The following USP24 variants were observed in gnomAD, a reference collection of about 807,000 sequenced individuals.
USP24 encodes ubiquitin specific peptidase 24, also known as ubiquitin carboxyl-terminal hydrolase 24.
Under a neutral mutation model 361.6 loss-of-function variants are expected in USP24, and 97 were observed. The ratio of observed to expected loss-of-function variants is 0.27; its 90% CI spans 0.23 to 0.32. USP24 has a LOEUF of 0.32. USP24 is among the 10% of genes least tolerant of loss of function. USP24 has a pLI of 1.00. For synonymous variants in USP24, 1,098 were observed against 1,124.6 expected, an observed-to-expected ratio of 0.98 and a Z score of 0.47; for missense variants, 2,353 against 3,165.6, an observed-to-expected ratio of 0.74 and a Z score of 6.16.
chr1:55,138,954 A>C lies in USP24; in HGVS notation c.2807T>G (p.Ile936Ser). ...RLLLLAERYV[I>S]TIEDFYSVPR... ...AAGGAAGTGGCTTACCTCTATAGTG[A>C]TCACATAGCGCTCTGCCAGAAGCAG... is the stretch of plus-strand genomic sequence containing the variant. Residue 936 changes from isoleucine to serine, a missense_variant, in exon 25 of 68, where the codon ATC becomes AGC. Ile to Ser is a moderately radical substitution (Grantham distance 142, BLOSUM62 -2). Coordinates refer to ENST00000294383, the MANE Select transcript of USP24 (RefSeq NM_015306.3). 1 of 1,612,936 alleles carries C rather than the reference A, an allele frequency of 6.2e-7. No individual in the cohort carries two copies. Among genetic ancestry groups the C allele is most frequent in the Non-Finnish European group, 8.5e-7 (1 of 1,179,420 alleles).
chr1:55,105,148 G>A (rs576022056), intron 41 of USP24, among the ~76,000 whole-genome samples: 1 of 152,112 alleles, frequency 6.6e-6, no homozygotes, highest in East Asian at 1.9e-4. Context: ...TAATAAAACT[G>A]CTAAAGATAT....
intron 1 of USP24, among the ~76,000 whole-genome samples, chr1:55,186,485 C>T (rs1157354058): frequency 6.6e-6 from 1 of 152,064 alleles, no homozygotes; most frequent in Non-Finnish European, 1.5e-5. Flanking sequence ...TGTTCATAAC[C>T]GAATTATTCA....
At chr1:55,157,786 A>G (rs949395221) in intron 10 of USP24, among the ~76,000 whole-genome samples, 6 of 149,752 alleles carry the variant, frequency 4.0e-5, no homozygotes, top group African/African-American at 1.5e-4. Context: ...GTGGTCCAAG[A>G]TTGTGCCACT....
chr1:55,072,223 T>C (rs1037568442), intron 66 of USP24, 94 bp downstream of exon 66: 16 of 989,812 alleles, frequency 1.6e-5, no homozygotes, highest in South Asian at 1.1e-4. Context: ...CTTCAACTCA[T>C]ACCTCTCTTC....
At position 55,132,713 on chromosome 1, in the gene USP24, G is replaced by C; in HGVS notation, c.3382-13C>G. The C allele has an allele frequency of 6.2e-7, 1 of 1,606,284 alleles. No homozygotes were observed. Among genetic ancestry groups the C allele is most frequent in the Non-Finnish European group, 8.5e-7 (1 of 1,175,780 alleles). On this transcript the variant is annotated splice_polypyrimidine_tract_variant and intron_variant, in intron 30 of 67. Transcript: ENST00000294383. ...ACAGCAATGTTTTCTAAGTTTAAGA[G>C]AATGAGAAAGACATAAACTACTTAA...
At chr1:55,113,329 CAAG>C (rs1164307056) in intron 38 of USP24, among the ~76,000 whole-genome samples, 3 of 152,064 alleles carry the variant, frequency 2.0e-5, no homozygotes, top group African/African-American at 7.2e-5. Flanking sequence ...AAGACTAAAC[CAAG>C]AAGAAGTCGA....
In USP24 at chr1:55,071,916, T is replaced by C. The variant is rs1644928353; in HGVS notation, c.7698A>G (p.Leu2566=). 6.2e-6 allele frequency: 10 copies of C among 1,608,784 alleles called. No individual in the cohort carries two copies. The highest frequency in any genetic ancestry group is 6.8e-6 in the Non-Finnish European group (8 of 1,177,470). ...CATTCAACAAAGCTGTGGCATACGC[T>C]AACGTGTCCTGCAGAAGATTCAAAC... ...FQRTISAQDT[L]AYATALLNEK... The change falls in exon 67 of 68, where the codon TTA becomes TTG. Residue 2566 remains leucine (L), a synonymous_variant. Transcript: ENST00000294383.
intron 31 of USP24, among the ~76,000 whole-genome samples, chr1:55,131,059 C>G (rs1307979149): frequency 6.6e-6 from 1 of 152,144 alleles, no homozygotes; most frequent in Non-Finnish European, 1.5e-5. Flanking sequence ...TTGGACCATT[C>G]TGTTTTTCTA....
At chr1:55,159,508 G>T in intron 9 of USP24, 103 bp downstream of exon 9, 2 of 961,740 alleles carry the variant, frequency 2.1e-6, no homozygotes, top group South Asian at 1.6e-5. Flanking sequence ...GAATGCATGT[G>T]ACCAGAATTC....
chr1:55,133,519 T>C (rs1048527964), intron 30 of USP24, among the ~76,000 whole-genome samples: 3 of 152,186 alleles, frequency 2.0e-5, no homozygotes, highest in Non-Finnish European at 4.4e-5. Flanking sequence ...GAAAGGTAGA[T>C]GGTACTAAAG....
intron 52 of USP24, among the ~76,000 whole-genome samples, 171 bp from the exon 53 acceptor site, chr1:55,093,087 C>A (rs1645417312): frequency 6.6e-6 from 1 of 152,112 alleles, no homozygotes; most frequent in Admixed American, 6.5e-5. Context: ...AGAGAGAAAA[C>A]CTTCCTTTGA....
rs1645439742 is a variant in USP24 at position 55,094,079 on chromosome 1, G to A, written c.6212C>T (p.Pro2071Leu). 5.6e-6 allele frequency: 9 copies of A among 1,612,928 alleles called. No individual in the cohort carries two copies. The highest frequency in any genetic ancestry group is 7.6e-6 in the Non-Finnish European group (9 of 1,179,392). The part of the protein sequence containing the change: ...QEAEDLSLSA[P>L]SSPEISPQSS... ...CTGAGGTGAAATTTCTGGTGAAGAT[G>A]GAGCTGACCTAAGAGATAGAATCAG... The change falls in exon 52 of 68, where the codon CCA becomes CTA. Residue 2071 changes from proline (P) to leucine (L), a missense_variant. By Grantham distance (98) the Pro-to-Leu change is moderately conservative (BLOSUM62 -3). Around this residue, in one of 8 missense-constraint regions of USP24, gnomAD observed 598 missense variants for 761.9 expected, o/e 0.78. Coordinates refer to ENST00000294383, the MANE Select transcript of USP24 (RefSeq NM_015306.3).
At chr1:55,104,730 C>T (rs1645727030) in intron 41 of USP24, among the ~76,000 whole-genome samples, 2 of 152,106 alleles carry the variant, frequency 1.3e-5, no homozygotes, top group African/African-American at 4.8e-5. Context: ...TAGGAGGAGG[C>T]ATTTAAGGGG....
chr1:55,209,377 G>C (rs1371227366), intron 1 of USP24, among the ~76,000 whole-genome samples: 3 of 152,034 alleles, frequency 2.0e-5, no homozygotes, highest in African/African-American at 7.3e-5. Context: ...TGAAAACACA[G>C]TTATCCTCTC....
At chr1:55,176,526 T>A (rs1649997773) in intron 2 of USP24, 83 bp from the exon 3 acceptor site, 1 of 1,295,440 alleles carries the variant, frequency 7.7e-7, no homozygotes, top group Non-Finnish European at 1.1e-6. Flanking sequence ...TAATACACGT[T>A]ATTTAGGTCT....
intron 31 of USP24, 106 bp from the exon 32 acceptor site, chr1:55,129,680 T>C (rs1470478714): frequency 1.2e-5 from 9 of 764,494 alleles, no homozygotes; most frequent in Middle Eastern, 2.3e-4. Context: ...TCTTTAAATG[T>C]TGCACACTGT....
At chr1:55,162,318 C>A in intron 7 of USP24, 54 bp from the exon 8 acceptor site, 1 of 1,419,450 alleles carries the variant, frequency 7.0e-7, no homozygotes, top group Non-Finnish European at 9.3e-7. Context: ...TTTTTCCTGT[C>A]AAAATTAAAC....
intron 30 of USP24, 114 bp from the exon 31 acceptor site, chr1:55,132,814 T>A (rs1290390817): frequency 1.9e-6 from 2 of 1,056,588 alleles, no homozygotes; most frequent in Non-Finnish European, 1.3e-6. Flanking sequence ...GCCACACCAA[T>A]GCTATTTTCT....
Position 55,125,502 on chromosome 1 carries a change from G to C in USP24, c.3778C>G (p.Leu1260Val). 6.2e-7 allele frequency: 1 copy of C among 1,613,928 alleles called. No homozygotes were observed. Among genetic ancestry groups the C allele is most frequent in the Admixed American group, 1.7e-5 (1 of 60,014 alleles). The change falls in exon 34 of 68, where the codon CTC becomes GTC. Residue 1260 changes from leucine (L) to valine (V), a missense_variant. By Grantham distance (32) the Leu-to-Val change is conservative. This residue lies in a region of USP24 where 949 missense variants were observed against 1,280.5 expected (regional missense o/e 0.74). Coordinates refer to ENST00000294383, the MANE Select transcript of USP24 (RefSeq NM_015306.3). ...QTMPTLLDED[L>V]TKDGIEALSS... ...AGTGCTTCTATACCATCTTTGGTGA[G>C]GTCTTCATCTAATAACGTGGGCATT...
Sources: gnomAD v4.1 joint callset for allele counts (sites outside exome capture counted in the v4.1 genomes callset) on GRCh38, gnomAD v4.1.1 for gene constraint, gnomAD v4.1.1 regional missense constraint, MANE v1.5 for transcripts, NCBI Gene and HGNC (gene_info 2026-07-23, HGNC 2026-07-21) for gene names.